PPM1L: variants seen among roughly 807,000 people sequenced by gnomAD.
PPM1L encodes protein phosphatase 1L.
Under a neutral mutation model 31.4 loss-of-function variants are expected in PPM1L, and 13 were observed. That is an observed-to-expected ratio of 0.41 (90% CI 0.27 to 0.66). The LOEUF (loss-of-function observed/expected upper bound fraction) is 0.66. PPM1L is among the 30% of genes least tolerant of loss of function. The pLI, the probability that PPM1L is intolerant of heterozygous loss-of-function variation, is 0.29. For missense variants in PPM1L, 326 were observed against 453.7 expected (o/e 0.72, Z 2.56); for synonymous variants, 184 against 175.4 (o/e 1.05, Z -0.39).
intron 1 of PPM1L, among the ~76,000 whole-genome samples, chr3:160,841,890 A>C (rs1480205856): frequency 6.6e-6 from 1 of 152,326 alleles, no homozygotes; most frequent in African/African-American, 2.4e-5. Context: ...ATAAATGTCA[A>C]CTTGTTTAGC....
intron 1 of PPM1L, among the ~76,000 whole-genome samples, chr3:160,833,391 C>T (rs912172356): frequency 3.9e-5 from 6 of 152,188 alleles, no homozygotes; most frequent in Admixed American, 1.3e-4. Context: ...TTTACATTCC[C>T]ACCAACAGTG....
Position 161,073,600 on chromosome 3 carries a change from C to T in PPM1L, c.*4443C>T, listed in dbSNP as rs905406859. ...TTTTTTTAACGGAATCTCGCTCTGT[C>T]ACCCAGGCTGGAATGCCGTGGCGCA... On this transcript the variant is annotated 3_prime_UTR_variant, in exon 4 of 4. Transcript: ENST00000498165. The T allele has an allele frequency of 6.6e-6, 1 of 151,840 alleles. No individual in the cohort carries two copies. The highest frequency in any genetic ancestry group is 1.5e-5 in the Non-Finnish European group (1 of 68,020). 9.4% of individuals were successfully genotyped at this position (151,840 alleles called of 1,614,324 possible).
chr3:160,902,847 A>AG (rs1200426133), intron 1 of PPM1L, among the ~76,000 whole-genome samples: 5 of 152,128 alleles, frequency 3.3e-5, no homozygotes, highest in Non-Finnish European at 7.4e-5. Flanking sequence ...ACACCCATTA[A>AG]GATGTTTATC....
chr3:160,967,673 T>A (rs1716200263), intron 2 of PPM1L, among the ~76,000 whole-genome samples: 1 of 152,086 alleles, frequency 6.6e-6, no homozygotes, highest in Non-Finnish European at 1.5e-5. Flanking sequence ...TTTCTAACAT[T>A]AGTTTAGAAA....
At chr3:160,845,969 C>T (rs564870604) in intron 1 of PPM1L, among the ~76,000 whole-genome samples, 4 of 152,018 alleles carry the variant, frequency 2.6e-5, no homozygotes, top group South Asian at 4.1e-4. Context: ...TAAGAAACTA[C>T]GAAGTAGGTG....
intron 1 of PPM1L, among the ~76,000 whole-genome samples, chr3:160,843,795 G>T (rs2108107261): frequency 6.6e-6 from 1 of 151,982 alleles, no homozygotes; most frequent in East Asian, 1.9e-4. Flanking sequence ...ATACCCAAAG[G>T]ATTATAAATC....
At chr3:161,004,237 T>C (rs938315616) in intron 2 of PPM1L, among the ~76,000 whole-genome samples, 1 of 147,030 alleles carries the variant, frequency 6.8e-6, no homozygotes, top group Non-Finnish European at 1.5e-5. Context: ...CTGGATTCGG[T>C]TTGCCAGTAT....
At chr3:160,984,518 C>T (rs1716901877) in intron 2 of PPM1L, among the ~76,000 whole-genome samples, 1 of 152,140 alleles carries the variant, frequency 6.6e-6, no homozygotes, top group Non-Finnish European at 1.5e-5. Flanking sequence ...CATACATCCT[C>T]CTCAGTTTAT....
At chr3:161,046,355 C>A (rs140685083) in intron 2 of PPM1L, among the ~76,000 whole-genome samples, 10 of 152,188 alleles carry the variant, frequency 6.6e-5, no homozygotes, top group African/African-American at 2.4e-4. Flanking sequence ...TTGATAAATT[C>A]TTGGACACAT....
chr3:160,885,620 G>A (rs1316202632), intron 1 of PPM1L, among the ~76,000 whole-genome samples: 1 of 152,218 alleles, frequency 6.6e-6, no homozygotes, highest in East Asian at 1.9e-4. Flanking sequence ...GAGCCACACG[G>A]GGCAGAGGAG....
intron 1 of PPM1L, among the ~76,000 whole-genome samples, chr3:160,764,256 T>G (rs1715045501): frequency 6.6e-6 from 1 of 152,180 alleles, no homozygotes; most frequent in Non-Finnish European, 1.5e-5. Flanking sequence ...CTCAGCCTCA[T>G]GAATAGCTGG....
chr3:160,864,976 C>T (rs1327918157), intron 1 of PPM1L, among the ~76,000 whole-genome samples: 1 of 152,104 alleles, frequency 6.6e-6, no homozygotes, highest in Non-Finnish European at 1.5e-5. Context: ...TGAATTCAAA[C>T]CACTGAGGAA....
chr3:160,934,458 T>C (rs952531756), intron 1 of PPM1L, among the ~76,000 whole-genome samples: 4 of 152,322 alleles, frequency 2.6e-5, no homozygotes, highest in Admixed American at 6.5e-5. Context: ...GAAAGTAATA[T>C]ATGTTCATTG....
At chr3:160,813,357 T>G (rs1441659955) in intron 1 of PPM1L, among the ~76,000 whole-genome samples, 1 of 152,218 alleles carries the variant, frequency 6.6e-6, no homozygotes, top group East Asian at 1.9e-4. Flanking sequence ...TTATTTTTTT[T>G]GAGACAGAGC....
chr3:160,806,951 GAGAGAAAGGAAAGAA>G (rs1301688806), intron 1 of PPM1L, among the ~76,000 whole-genome samples: 2 of 151,558 alleles, frequency 1.3e-5, no homozygotes, highest in African/African-American at 4.9e-5. Context: ...AGAAAGAAAA[GAGAGAAAGGAAAGAA>G]AGAGAAAGAA....
chr3:160,856,024 A>C (rs1044592565), intron 1 of PPM1L, among the ~76,000 whole-genome samples: 3 of 152,150 alleles, frequency 2.0e-5, no homozygotes, highest in African/African-American at 7.2e-5. Flanking sequence ...AAAGCTGAAG[A>C]ACCTGGAGTC....
At chr3:160,945,902 T>C (rs1019268575) in intron 1 of PPM1L, among the ~76,000 whole-genome samples, 1 of 152,188 alleles carries the variant, frequency 6.6e-6, no homozygotes, top group African/African-American at 2.4e-5. Context: ...TCTCTCTGGC[T>C]TACTTTGTTG....
At chr3:160,808,869 G>A (rs1009844341) in intron 1 of PPM1L, among the ~76,000 whole-genome samples, 1 of 152,144 alleles carries the variant, frequency 6.6e-6, no homozygotes, top group African/African-American at 2.4e-5. Context: ...AGGAGAGGAG[G>A]GTCACTGTGG....
chr3:160,824,274 C>T lies in PPM1L; in HGVS notation c.399+67567C>T, dbSNP rs147770810. On this transcript the variant is annotated intron_variant, in intron 1 of 3. Coordinates refer to ENST00000498165, the MANE Select transcript of PPM1L (RefSeq NM_139245.4). ...CTGCAACCTGGAAAAGAGTCCTAAC[C>T]GAAACCTGACCATATTGGCTCCCCA... Among the ~76,000 whole-genome samples, 939 of 152,170 alleles carry T rather than the reference C, an allele frequency of 6.2e-3. 9 individuals are homozygous for T. The highest frequency in any genetic ancestry group is 0.022 in the African/African-American group (906 of 41,524).
Sources: allele counts gnomAD v4.1 joint callset (sites outside exome capture counted in the v4.1 genomes callset), GRCh38; gene constraint gnomAD v4.1.1; transcripts MANE v1.5; gene names NCBI Gene and HGNC (gene_info 2026-07-23, HGNC 2026-07-21).